Variants in PPM1H observed in about 807,000 individuals in gnomAD.
PPM1H encodes the protein protein phosphatase 1H.
In PPM1H, 27 loss-of-function variants were observed where a neutral mutation model predicts 54.9. The observed-to-expected ratio is 0.49, with a 90% CI of 0.36 to 0.68. The LOEUF is 0.68. Among genes scored for constraint, PPM1H ranks in the 30% least tolerant of loss-of-function variants. The pLI is 0.00. For synonymous variants in PPM1H, 305 were observed against 270.8 expected, an observed-to-expected ratio of 1.13 and a Z score of -1.24; for missense variants, 596 against 667.8, an observed-to-expected ratio of 0.89 and a Z score of 1.19.
chr12:62,806,625 TA>T (rs954155831), intron 2 of PPM1H, among the ~76,000 whole-genome samples: 8 of 152,100 alleles, frequency 5.3e-5, no homozygotes, highest in Admixed American at 4.6e-4. Flanking sequence ...TCTGGTTGTT[TA>T]AAAGTGTGTA....
At chr12:62,788,728 TTTTG>T (rs2076687466) in intron 3 of PPM1H, among the ~76,000 whole-genome samples, 2 of 152,222 alleles carry the variant, frequency 1.3e-5, no homozygotes, top group South Asian at 4.1e-4. Context: ...CTGATCAATG[TTTTG>T]TTTGTTTTTT....
At chr12:62,686,066 C>T (rs371792148) in intron 8 of PPM1H, among the ~76,000 whole-genome samples, 2 of 152,196 alleles carry the variant, frequency 1.3e-5, no homozygotes, top group Non-Finnish European at 2.9e-5. Flanking sequence ...TCCACTCCCA[C>T]GAATGCTGAA....
At chr12:62,750,784 T>C (rs540539372) in intron 4 of PPM1H, among the ~76,000 whole-genome samples, 5 of 152,356 alleles carry the variant, frequency 3.3e-5, no homozygotes, top group African/African-American at 1.2e-4. Context: ...GATTCAGATC[T>C]GAAAATCTCA....
At chr12:62,839,359 CAA>C (rs1243781481) in intron 1 of PPM1H, among the ~76,000 whole-genome samples, 1 of 152,080 alleles carries the variant, frequency 6.6e-6, no homozygotes, top group Non-Finnish European at 1.5e-5. Context: ...TTTTTGTCCA[CAA>C]AGTGTTCATT....
intron 2 of PPM1H, among the ~76,000 whole-genome samples, chr12:62,821,007 G>T (rs1476637045): frequency 6.6e-6 from 1 of 152,166 alleles, no homozygotes; most frequent in Non-Finnish European, 1.5e-5. Context: ...CCATTGCAAA[G>T]AAGCTAAAAA....
Position 62,720,249 on chromosome 12 carries a change from T to C in PPM1H, c.995A>G (p.His332Arg), listed in dbSNP as rs564856583. ...QPHLLGNEFTHLEFPRRVQRK... is the reference protein window; with the variant it reads ...QPHLLGNEFTRLEFPRRVQRK... ...CTGTACTCTCCTTGGAAACTCCAAA[T>C]GTGTGAACTCATTTCCCAGCAAGTG... The change falls in exon 6 of 10, where the codon CAT (histidine) becomes CGT (arginine). Residue 332 changes from histidine to arginine, a missense_variant. This residue lies in a region of PPM1H where 208 missense variants were observed against 259.5 expected (regional missense o/e 0.80). Coordinates refer to ENST00000228705, the MANE Select transcript of PPM1H (RefSeq NM_020700.2). 1 of 1,613,878 alleles carries C rather than the reference T, an allele frequency of 6.2e-7. No individual in the cohort carries two copies. The highest frequency in any genetic ancestry group is 1.1e-5 in the South Asian group (1 of 91,076).
intron 1 of PPM1H, among the ~76,000 whole-genome samples, chr12:62,909,665 T>A (rs1485239881): frequency 6.6e-6 from 1 of 152,192 alleles, no homozygotes; most frequent in Non-Finnish European, 1.5e-5. Context: ...GCCCTCTTTT[T>A]TGTCTGTCTC....
At chr12:62,866,562 G>C (rs1279564307) in intron 1 of PPM1H, among the ~76,000 whole-genome samples, 1 of 152,076 alleles carries the variant, frequency 6.6e-6, no homozygotes, top group Non-Finnish European at 1.5e-5. Context: ...AAGAACTGAG[G>C]TTTCCTACCA....
chr12:62,830,445 C>T (rs192243125), intron 2 of PPM1H, among the ~76,000 whole-genome samples: 13,886 of 151,894 alleles, frequency 0.091, 1,063 homozygotes, highest in African/African-American at 0.21. Flanking sequence ...TTAGTAGAGA[C>T]AGGGTGTCAC....
chr12:62,712,603 T>C (rs931889531), intron 6 of PPM1H, among the ~76,000 whole-genome samples: 1 of 152,150 alleles, frequency 6.6e-6, no homozygotes, highest in Non-Finnish European at 1.5e-5. Context: ...TTAAGAGTGA[T>C]TAAAAGCAGA....
chr12:62,687,490 ATCC>A (rs1215009762), intron 8 of PPM1H, among the ~76,000 whole-genome samples: 7 of 151,712 alleles, frequency 4.6e-5, no homozygotes, highest in Admixed American at 3.3e-4. Flanking sequence ...GTCTCAAGCA[ATCC>A]TCCTGCCTTA....
chr12:62,769,838 A>G (rs1037961225), intron 4 of PPM1H, among the ~76,000 whole-genome samples: 4 of 152,174 alleles, frequency 2.6e-5, no homozygotes, highest in Admixed American at 6.5e-5. Flanking sequence ...TCAACATTTA[A>G]AGGCGAAAAG....
In PPM1H at chr12:62,741,783, C is replaced by A. The variant is rs949676679; in HGVS notation, c.870-4197G>T. 3.3e-5 allele frequency among the ~76,000 whole-genome samples: 5 copies of A among 152,236 alleles called. No homozygotes were observed. The East Asian group carries it at 5.8e-4, about 18-fold the overall frequency. On this transcript the variant is annotated intron_variant, in intron 4 of 9. Coordinates refer to ENST00000228705, the MANE Select transcript of PPM1H (RefSeq NM_020700.2). ...AATCTCCAGTGCTCAGTGCCTGGCA[C>A]GTGCCAGACGTGCAACAATTGCTTG...
intron 4 of PPM1H, among the ~76,000 whole-genome samples, chr12:62,749,688 A>G (rs930345520): frequency 1.3e-5 from 2 of 152,242 alleles, no homozygotes; most frequent in African/African-American, 4.8e-5. Flanking sequence ...GGAAACTACT[A>G]AATAAGTCTG....
intron 2 of PPM1H, among the ~76,000 whole-genome samples, chr12:62,808,425 T>C (rs1168303701): frequency 6.6e-6 from 1 of 152,154 alleles, no homozygotes; most frequent in Non-Finnish European, 1.5e-5. Context: ...AGTGCCATAG[T>C]CCATTTTTCT....
intron 4 of PPM1H, among the ~76,000 whole-genome samples, chr12:62,767,555 C>T (rs550331129): frequency 2.8e-4 from 42 of 152,274 alleles, no homozygotes; most frequent in Non-Finnish European, 5.4e-4. Context: ...TGGGCATAGT[C>T]GCAGGGGTAT....
At chr12:62,835,011 TC>T (rs1214596893) in intron 1 of PPM1H, among the ~76,000 whole-genome samples, 1 of 152,130 alleles carries the variant, frequency 6.6e-6, no homozygotes, top group East Asian at 1.9e-4. Flanking sequence ...CCGTACAAGA[TC>T]CTGGATGCTA....
Position 62,832,266 on chromosome 12 carries a change from C to T in PPM1H, c.259G>A (p.Gly87Arg), listed in dbSNP as rs774098569. 3.7e-6 allele frequency: 6 copies of T among 1,611,656 alleles called. No individual in the cohort carries two copies. The highest frequency in any genetic ancestry group is 4.2e-6 in the Non-Finnish European group (5 of 1,178,944). ...TGGTCTTCATTGTGTGTGCTCTTCC[C>T]GGCATTGATAACCCTGGAGAAGAAG... ...ATGYAEVINA[G>R]KSTHNEDQAS... The change falls in exon 2 of 10, where the codon GGG becomes AGG. Residue 87 changes from glycine (G) to arginine (R), a missense_variant. Gly to Arg is a moderately radical substitution (Grantham distance 125). Transcript: ENST00000228705.
chr12:62,802,231 G>A, intron 2 of PPM1H, 71 bp from the exon 3 acceptor site: 1 of 1,271,418 alleles, frequency 7.9e-7, no homozygotes, highest in Non-Finnish European at 1.1e-6. Context: ...CAGATTGTGG[G>A]ACATCTATGG....
Sources: gnomAD v4.1 joint callset for allele counts (sites outside exome capture counted in the v4.1 genomes callset) on GRCh38, gnomAD v4.1.1 for gene constraint, gnomAD v4.1.1 regional missense constraint, MANE v1.5 for transcripts, NCBI Gene and HGNC (gene_info 2026-07-23, HGNC 2026-07-21) for gene names.